Variants in RNFT1 observed in about 807,000 individuals in gnomAD.
RNFT1 encodes the protein ring finger protein, transmembrane 1, also known as E3 ubiquitin-protein ligase RNFT1.
A neutral mutation model predicts 53.2 loss-of-function variants in RNFT1; 35 were observed. The ratio of observed to expected loss-of-function variants is 0.66; its 90% CI spans 0.50 to 0.87. RNFT1 has a LOEUF of 0.87. Among genes scored for constraint, RNFT1 ranks in the 40% least tolerant of loss-of-function variants. The pLI is 0.00. For missense variants in RNFT1, 421 were observed against 515.0 expected (o/e 0.82, Z 1.77); for synonymous variants, 141 against 172.8 (o/e 0.82, Z 1.44).
chr17:59,959,431 T>A (rs987386861), intron 4 of RNFT1: 1 of 152,152 alleles, frequency 6.6e-6, no homozygotes, highest in Non-Finnish European at 1.5e-5. Context: ...CCATTTGACA[T>A]GGAGACTTAT....
intron 3 of RNFT1, among the ~76,000 whole-genome samples, chr17:59,960,473 T>TA (rs1204402063): frequency 0.13 from 15,290 of 118,720 alleles, 1,118 homozygotes; most frequent in African/African-American, 0.21. Context: ...TAAATTAAAT[T>TA]AAAAAAAAAA....
At chr17:59,960,212 A>G (rs1261238297) in intron 3 of RNFT1, 44 bp from the exon 4 acceptor site, 1 of 1,570,424 alleles carries the variant, frequency 6.4e-7, no homozygotes, top group Non-Finnish European at 8.6e-7. Context: ...ATTTTGCCAG[A>G]ATTTTAAATA....
At chr17:59,963,504 AAAG>A (rs952480473) in intron 1 of RNFT1, among the ~76,000 whole-genome samples, 7 of 152,112 alleles carry the variant, frequency 4.6e-5, no homozygotes, top group Admixed American at 4.6e-4. Context: ...CAAAAAAAAA[AAAG>A]TTGAGCTGCA....
chr17:59,955,474 G>C lies in RNFT1; in HGVS notation c.1071+1014C>G, dbSNP rs144047944. ...CTCTCTGTAGTTTGTCTCAGAGAAA[G>C]AATATCAGGGTATTTTCTTGAGAGT... On this transcript the variant is annotated intron_variant, in intron 7 of 8. Transcript: ENST00000305783. Among the ~76,000 whole-genome samples the C allele has an allele frequency of 3.9e-5, 6 of 152,262 alleles. No individual in the cohort carries two copies. In the East Asian group the frequency reaches 9.7e-4, roughly 25 times the overall value.
chr17:59,958,623 C>T (rs1008754870), intron 4 of RNFT1, 179 bp from the exon 5 acceptor site: 1 of 674,322 alleles, frequency 1.5e-6, no homozygotes, highest in Non-Finnish European at 2.7e-6. Context: ...ACTTTTTAAA[C>T]CTGTTTGGAT....
chr17:59,964,660 G>C lies in RNFT1; in HGVS notation c.4C>G (p.Pro2Ala), dbSNP rs796077019. The change falls in exon 1 of 9, where the codon CCG becomes GCG. Residue 2 changes from proline to alanine, a missense_variant. Transcript: ENST00000305783. Reference protein sequence around the residue: MPLFLLSLPTPP... With the variant: MALFLLSLPTPP... ...GTCGGGAGCGACAGCAAGAACAGCG[G>C]CATACACCGCCTCCAGCCCTTCAGT... is the stretch of plus-strand genomic sequence containing the variant. 7 of 1,606,150 alleles carry C rather than the reference G, an allele frequency of 4.4e-6. No homozygotes were observed. In the Admixed American group the frequency reaches 1.2e-4, roughly 27 times the overall value.
In RNFT1 at chr17:59,962,812, TTTA is replaced by T; in HGVS notation, c.514+12_514+14del. ...TTTAGGAATGAAAACAAGTCAATGT[TTTA>T]TTATGTCCTACCTGTTATATGCTGC... On this transcript the variant is annotated intron_variant, in intron 2 of 8. Coordinates refer to ENST00000305783, the MANE Select transcript of RNFT1 (RefSeq NM_016125.4). 1.9e-6 allele frequency: 3 copies of T among 1,586,726 alleles called. No individual in the cohort carries two copies. Among genetic ancestry groups the T allele is most frequent in the Non-Finnish European group, 2.6e-6 (3 of 1,161,770 alleles).
rs560169802 is a variant in RNFT1, at chr17:59,962,220, A to G, written c.591+320T>C. The G allele has an allele frequency of 5.1e-5, 10 of 196,272 alleles. No homozygotes were observed. The South Asian group carries it at 8.4e-4, about 17-fold the overall frequency. 12.2% of individuals were successfully genotyped at this position (196,272 alleles called of 1,614,324 possible). A position where few individuals can be genotyped will look rare whatever the true frequency, so the allele number is the denominator to read the frequency against. On this transcript the variant is annotated intron_variant, in intron 3 of 8. Transcript: ENST00000305783. ...TTTCATGATGATGGTCTTACTTACT[A>G]TGGTCAAAGTAACTGATACAACATG...
At chr17:59,956,648 A>G in intron 6 of RNFT1, 95 bp from the exon 7 acceptor site, 1 of 812,262 alleles carries the variant, frequency 1.2e-6, no homozygotes, top group Non-Finnish European at 2.1e-6. Flanking sequence ...TCAAATCCTC[A>G]TATTAACTTA....
Position 59,964,629 on chromosome 17 carries a change from G to C in RNFT1, c.35C>G (p.Pro12Arg). The C allele has an allele frequency of 1.9e-6, 3 of 1,607,854 alleles. No individual in the cohort carries two copies. Among genetic ancestry groups the C allele is most frequent in the Non-Finnish European group, 2.5e-6 (3 of 1,177,370 alleles). Residue 12 changes from proline (P) to arginine (R), a missense_variant, in exon 1 of 9, where the codon CCG becomes CGG. Coordinates refer to ENST00000305783, the MANE Select transcript of RNFT1 (RefSeq NM_016125.4). ...TAACCTCTCATGACCAGAAGCGGAC[G>C]GAGGTGTCGGGAGCGACAGCAAGAA... ...PLFLLSLPTP[P>R]SASGHERRQR... is the part of the protein sequence containing the mutation.
At position 59,959,735 on chromosome 17, in the gene RNFT1, C is replaced by T. The variant is rs140131960; in HGVS notation, c.692+333G>A. Reference sequence around the variant, plus strand: ...AGGAGGTCTGACCAACATGGTGAAACTCCGTCTCTATTAAAAATACAAAAA... The same window carrying T: ...AGGAGGTCTGACCAACATGGTGAAATTCCGTCTCTATTAAAAATACAAAAA... On this transcript the variant is annotated intron_variant, in intron 4 of 8. Transcript: ENST00000305783. 3.8e-5 allele frequency: 6 copies of T among 157,776 alleles called. No individual in the cohort carries two copies. In the East Asian group the frequency reaches 1.1e-3, roughly 29 times the overall value. The allele number at this position is 157,776 out of a possible 1,614,324, so 9.8% of individuals were successfully genotyped here.
At chr17:59,963,426 CCTCCCTT>C in intron 1 of RNFT1, 142 bp from the exon 2 acceptor site, 5 of 676,272 alleles carry the variant, frequency 7.4e-6, no homozygotes, top group Non-Finnish European at 1.2e-5. Flanking sequence ...TCACTGGACT[CCTCCCTT>C]CTCCCTTAAT....
At position 59,963,800 on chromosome 17, in the gene RNFT1, A is replaced by G. The variant is rs539086574; in HGVS notation, c.57-516T>C. ...GTAACTAATAATAAACACTGCACTT[A>G]GGTGACCTACAAATTAGATTTTCTG... On this transcript the variant is annotated intron_variant, in intron 1 of 8. Transcript: ENST00000305783. Among the ~76,000 whole-genome samples, 7 of 152,362 alleles carry G rather than the reference A, an allele frequency of 4.6e-5. No homozygotes were observed. The South Asian group carries it at 1.0e-3, about 23-fold the overall frequency.
Position 59,957,233 on chromosome 17 carries a change from G to A in RNFT1, c.996C>T (p.Leu332=), listed in dbSNP as rs2045259394. ...SLGILLALLY[L]ILKLLEFFGH... Reference sequence around the variant, plus strand: ...TTGTAATGTTACCTACTTTTAATATGAGGTAGAGTAAAGCCAGCAGTATCC... The same window carrying A: ...TTGTAATGTTACCTACTTTTAATATAAGGTAGAGTAAAGCCAGCAGTATCC... The change falls in exon 6 of 9, where the codon CTC becomes CTT. Residue 332 remains leucine, a synonymous_variant. Transcript: ENST00000305783. 1.2e-6 allele frequency: 2 copies of A among 1,612,526 alleles called. No individual in the cohort carries two copies. The highest frequency in any genetic ancestry group is 1.7e-6 in the Non-Finnish European group (2 of 1,179,452).
At chr17:59,960,013 T>C (rs12600680) in intron 4 of RNFT1, 55 bp downstream of exon 4, 299,686 of 1,534,508 alleles carry the variant, frequency 0.2, 32,091 homozygotes, top group East Asian at 0.42. Context: ...TACAAAGTGC[T>C]ATGAAATATA....
chr17:59,953,947 G>T, intron 8 of RNFT1, 98 bp downstream of exon 8: 1 of 701,214 alleles, frequency 1.4e-6, no homozygotes, highest in Non-Finnish European at 2.3e-6. Flanking sequence ...CTAAACACTA[G>T]ATTTTTTTTT....
At chr17:59,961,435 T>A (rs529716038) in intron 3 of RNFT1, among the ~76,000 whole-genome samples, 32 of 152,302 alleles carry the variant, frequency 2.1e-4, no homozygotes, top group African/African-American at 7.7e-4. Flanking sequence ...AATTTCCAGG[T>A]CAGAATGCAT....
At chr17:59,957,555 CTGAG>C (rs2045261782) in intron 5 of RNFT1, among the ~76,000 whole-genome samples, 173 bp from the exon 6 acceptor site, 2 of 152,238 alleles carry the variant, frequency 1.3e-5, no homozygotes, top group South Asian at 4.1e-4. Flanking sequence ...ATTACAGTCA[CTGAG>C]TGGCCTGCTT....
intron 6 of RNFT1, among the ~76,000 whole-genome samples, chr17:59,956,777 G>A (rs2045256772): frequency 6.6e-6 from 1 of 152,110 alleles, no homozygotes; most frequent in African/African-American, 2.4e-5. Flanking sequence ...ATTTGATCAA[G>A]ACAAATACAA....
Sources: allele counts gnomAD v4.1 joint callset (sites outside exome capture counted in the v4.1 genomes callset), GRCh38; gene constraint gnomAD v4.1.1; transcripts MANE v1.5; gene names NCBI Gene and HGNC (gene_info 2026-07-23, HGNC 2026-07-21).